RNF216: variants seen among roughly 807,000 people sequenced by gnomAD.
RNF216 encodes the protein ring finger protein 216, also known as E3 ubiquitin-protein ligase RNF216.
Under a neutral mutation model 110.8 loss-of-function variants are expected in RNF216, and 72 were observed. That is an observed-to-expected ratio of 0.65 (90% CI 0.54 to 0.79). The LOEUF is 0.79. RNF216 is among the 30% of genes least tolerant of loss of function. The pLI is 0.00. For synonymous variants in RNF216, 495 were observed against 407.5 expected, an observed-to-expected ratio of 1.21 and a Z score of -2.59; for missense variants, 1,342 against 1,141.2, an observed-to-expected ratio of 1.18 and a Z score of -2.54.
chr7:5,682,184 G>T (rs1265510452), intron 13 of RNF216, among the ~76,000 whole-genome samples: 4 of 152,166 alleles, frequency 2.6e-5, no homozygotes, highest in African/African-American at 9.7e-5. Flanking sequence ...AAAGTTGGCA[G>T]ATTCTGTACC....
In RNF216 at chr7:5,621,647, C is replaced by G. The variant is rs569938873; in HGVS notation, c.*1213G>C. The G allele has an allele frequency of 2.0e-5, 3 of 152,342 alleles. No homozygotes were observed. The highest frequency in any genetic ancestry group is 4.4e-5 in the Non-Finnish European group (3 of 68,160). The allele number at this position is 152,342 out of a possible 1,614,324, so 9.4% of individuals were successfully genotyped here. A position where few individuals can be genotyped will look rare whatever the true frequency, so the allele number is the denominator to read the frequency against. ...AGCTGTGTCTGAGGTCTGTGAACTC[C>G]CAGCCTCTCAGAACCCCATGGCAAC... On this transcript the variant is annotated 3_prime_UTR_variant, in exon 17 of 17. Transcript: ENST00000389902.
chr7:5,681,002 C>G (rs1790616873), intron 13 of RNF216, among the ~76,000 whole-genome samples: 1 of 152,182 alleles, frequency 6.6e-6, no homozygotes, highest in South Asian at 2.1e-4. Flanking sequence ...CCACCCCTCA[C>G]TCCCTCTCAT....
intron 3 of RNF216, among the ~76,000 whole-genome samples, chr7:5,752,013 T>C (rs1795357179): frequency 6.6e-6 from 1 of 151,810 alleles, no homozygotes; most frequent in Middle Eastern, 3.4e-3. Context: ...TAGTTAAACC[T>C]ATCTCTGCTA....
chr7:5,726,993 G>A (rs1180319342), intron 7 of RNF216, among the ~76,000 whole-genome samples: 1 of 152,206 alleles, frequency 6.6e-6, no homozygotes. Flanking sequence ...AAGAGTGGGA[G>A]CCTTTCAGGA....
At chr7:5,639,325 G>A (rs1027509895) in intron 15 of RNF216, among the ~76,000 whole-genome samples, 4 of 152,170 alleles carry the variant, frequency 2.6e-5, no homozygotes, top group African/African-American at 7.2e-5. Flanking sequence ...GAAGCAACTG[G>A]ATCCCAGATA....
At chr7:5,649,166 G>C (rs1788229589) in intron 14 of RNF216, among the ~76,000 whole-genome samples, 1 of 152,166 alleles carries the variant, frequency 6.6e-6, no homozygotes, top group South Asian at 2.1e-4. Context: ...GGGATCACTT[G>C]AGGTCAGGAG....
chr7:5,684,094 C>CTTTTTTT (rs10608511), intron 13 of RNF216, among the ~76,000 whole-genome samples: 6 of 61,844 alleles, frequency 9.7e-5, no homozygotes, highest in Admixed American at 2.2e-4. Flanking sequence ...GCTGGGCCTT[C>CTTTTTTT]TTTTTTTTTT....
chr7:5,752,981 T>C lies in RNF216; in HGVS notation c.68-2A>G. 6.2e-7 allele frequency: 1 copy of C among 1,608,060 alleles called. No individual in the cohort carries two copies. Among genetic ancestry groups the C allele is most frequent in the Non-Finnish European group, 8.5e-7 (1 of 1,177,804 alleles). On this transcript the variant is annotated splice_acceptor_variant, in intron 2 of 16. Transcript: ENST00000389902. LOFTEE classifies it high-confidence loss of function. ...GCCCATCTCGGAGATTGATCCACTC[T>C]ACAGGAAAGCAGAGAACACTGTTAC...
chr7:5,726,063 G>A (rs1793733265), intron 7 of RNF216, among the ~76,000 whole-genome samples: 1 of 152,092 alleles, frequency 6.6e-6, no homozygotes, highest in Non-Finnish European at 1.5e-5. Context: ...GATCACTTGA[G>A]CTTAGGTGTT....
chr7:5,739,451 G>A (rs574532465), intron 4 of RNF216, 99 bp from the exon 5 acceptor site: 2 of 1,179,050 alleles, frequency 1.7e-6, no homozygotes, highest in African/African-American at 1.5e-5. Flanking sequence ...AATGACTAAA[G>A]ACTAGAAAAG....
intron 13 of RNF216, among the ~76,000 whole-genome samples, chr7:5,664,553 A>C (rs1000413394): frequency 6.6e-6 from 1 of 152,210 alleles, no homozygotes; most frequent in African/African-American, 2.4e-5. Flanking sequence ...GCTCACAAAC[A>C]GTAGACCCTG....
At position 5,642,349 on chromosome 7, in the gene RNF216, G is replaced by A. The variant is rs139916912; in HGVS notation, c.2160-973C>T. On this transcript the variant is annotated intron_variant, in intron 14 of 16. Coordinates refer to ENST00000389902, the MANE Select transcript of RNF216 (RefSeq NM_207111.4). ...CCACTTCAGTCTCCCAAGTAGCTGG[G>A]ATTACAGGCGCCCACCACCATGCCC... Among the ~76,000 whole-genome samples the A allele has an allele frequency of 1.7e-3, 256 of 151,938 alleles. 1 individual carries two copies. The highest frequency in any genetic ancestry group is 0.01 in the Middle Eastern group (3 of 294).
chr7:5,656,693 T>C (rs566258907), intron 13 of RNF216, among the ~76,000 whole-genome samples: 2 of 152,212 alleles, frequency 1.3e-5, no homozygotes, highest in African/African-American at 4.8e-5. Context: ...TTAAGGTGTT[T>C]TGGCTGTTCA....
chr7:5,639,885 G>T (rs191199800), intron 15 of RNF216, among the ~76,000 whole-genome samples: 3,263 of 151,680 alleles, frequency 0.022, 108 homozygotes, highest in African/African-American at 0.074. Context: ...TCAACCTCCT[G>T]AGTAGCTGGG....
intron 4 of RNF216, among the ~76,000 whole-genome samples, chr7:5,740,493 TTGA>T (rs1794693713): frequency 6.6e-6 from 1 of 152,158 alleles, no homozygotes; most frequent in African/African-American, 2.4e-5. Flanking sequence ...TCCTCCATGC[TTGA>T]TGATGAGGTA....
intron 1 of RNF216, among the ~76,000 whole-genome samples, chr7:5,771,512 C>T (rs186287902): frequency 6.6e-6 from 1 of 152,076 alleles, no homozygotes; most frequent in Admixed American, 6.6e-5. Flanking sequence ...GAAAAAGAAT[C>T]CCGGCGGGGT....
intron 13 of RNF216, among the ~76,000 whole-genome samples, chr7:5,709,261 T>A (rs1314227442): frequency 6.6e-6 from 1 of 152,170 alleles, no homozygotes; most frequent in Non-Finnish European, 1.5e-5. Context: ...ATATTAGATA[T>A]ATGTTCCAGT....
At chr7:5,672,754 G>A (rs896909002) in intron 13 of RNF216, among the ~76,000 whole-genome samples, 2 of 152,150 alleles carry the variant, frequency 1.3e-5, no homozygotes, top group Non-Finnish European at 2.9e-5. Context: ...TCTTCCTGGT[G>A]AGCAGCGCAA....
At chr7:5,751,101 T>C (rs750363974) in intron 3 of RNF216, among the ~76,000 whole-genome samples, 4 of 152,232 alleles carry the variant, frequency 2.6e-5, no homozygotes, top group Admixed American at 1.3e-4. Flanking sequence ...GCAGTCTCCT[T>C]GGTGTGCTGT....
Sources: allele counts gnomAD v4.1 joint callset (sites outside exome capture counted in the v4.1 genomes callset), GRCh38; gene constraint gnomAD v4.1.1; transcripts MANE v1.5; gene names NCBI Gene and HGNC (gene_info 2026-07-23, HGNC 2026-07-21).